Variants in TMEM131 observed in about 807,000 individuals in gnomAD.
TMEM131 encodes 2610524E03Rik.
Under a neutral mutation model 211.6 loss-of-function variants are expected in TMEM131, and 66 were observed. The ratio of observed to expected loss-of-function variants is 0.31; its 90% confidence interval spans 0.26 to 0.38. The LOEUF (loss-of-function observed/expected upper bound fraction) is 0.38. Ranked by LOEUF, TMEM131 falls within the 10% of genes least tolerant of loss-of-function variation. The probability of loss-of-function intolerance (pLI) is 1.00; values close to 1 mark genes in which losing one functional copy is unlikely to be tolerated. For synonymous variants in TMEM131, 844 were observed against 841.3 expected (o/e 1.00, Z -0.06); for missense variants, 2,036 against 2,299.3 (o/e 0.89, Z 2.34).
intron 1 of TMEM131, among the ~76,000 whole-genome samples, chr2:97,987,523 CAAAA>C (rs148508324): frequency 6.6e-6 from 1 of 151,544 alleles, no homozygotes; most frequent in African/African-American, 2.4e-5. Context: ...AAAACAAAAA[CAAAA>C]AAAAGTCACA....
At chr2:97,851,553 C>T (rs1673628606) in intron 5 of TMEM131, among the ~76,000 whole-genome samples, 1 of 152,216 alleles carries the variant, frequency 6.6e-6, no homozygotes, top group Non-Finnish European at 1.5e-5. Context: ...ACGCATCAAG[C>T]AAGTCTATCA....
In TMEM131 at chr2:97,791,388, C is replaced by G. The variant is rs376208940; in HGVS notation, c.4144+998G>C. Reference sequence around the variant, plus strand: ...ATTAGATAGTAAGAAACAGTGACTTCCGTCCTGCTTCCTCCTTGCCCTCTT... The same window carrying G: ...ATTAGATAGTAAGAAACAGTGACTTGCGTCCTGCTTCCTCCTTGCCCTCTT... On this transcript the variant is annotated intron_variant, in intron 31 of 40. Coordinates refer to ENST00000186436, the MANE Select transcript of TMEM131 (RefSeq NM_015348.2). 1.6e-4 allele frequency among the ~76,000 whole-genome samples: 25 copies of G among 152,332 alleles called. No homozygotes were observed. The South Asian group carries it at 3.9e-3, about 24-fold the overall frequency.
In TMEM131 at chr2:97,942,976, GAAAGAAAGA is replaced by G. The variant is rs375150069; in HGVS notation, c.188-15498_188-15490del. On this transcript the variant is annotated intron_variant, in intron 1 of 40. Transcript: ENST00000186436. The stretch of plus-strand genomic sequence containing the variant: ...ATGGCTACAAAAAAAAAGAAAGAAA[GAAAGAAAGA>G]AAAGAAAGAAAAGAAAGAAAAGAAA... Among the ~76,000 whole-genome samples, 73 of 99,292 alleles carry G rather than the reference GAAAGAAAGA, an allele frequency of 7.4e-4. 5 individuals are homozygous for G. In the East Asian group the frequency reaches 0.017, roughly 23 times the overall value. 65.1% of individuals were successfully genotyped at this position (99,292 alleles called of 152,430 possible).
At position 97,833,381 on chromosome 2, in the gene TMEM131, T is replaced by G. The variant is rs758842062; in HGVS notation, c.1058A>C (p.Lys353Thr). The G allele has an allele frequency of 1.5e-6, 2 of 1,314,900 alleles. No individual in the cohort carries two copies. The highest frequency in any genetic ancestry group is 3.0e-5 in the African/African-American group (2 of 67,204). The allele number at this position is 1,314,900 out of a possible 1,614,324, so 81.5% of individuals were successfully genotyped here. A position where few individuals can be genotyped will look rare whatever the true frequency, so the allele number is the denominator to read the frequency against. Residue 353 changes from lysine (K) to threonine (T), a missense_variant, in exon 11 of 41, where the codon AAA becomes ACA. By Grantham distance (78) the Lys-to-Thr change is moderately conservative. Transcript: ENST00000186436. Reference protein sequence around the residue: ...LNLHLLNSGTKDVPITSVRPT... With the variant: ...LNLHLLNSGTTDVPITSVRPT... ...AAAACTTACTGTTATTGGTACATCT[T>G]TTGTTCCTGAATTTAATAAATGAAG...
intron 38 of TMEM131, 91 bp downstream of exon 38, chr2:97,760,502 A>C (rs1479019909): frequency 5.8e-6 from 7 of 1,197,396 alleles, no homozygotes; most frequent in Non-Finnish European, 7.1e-6. Flanking sequence ...TTAGGGGAAA[A>C]ATGCCCTGAA....
chr2:97,886,290 G>A (rs186112623), intron 4 of TMEM131, among the ~76,000 whole-genome samples: 3 of 152,212 alleles, frequency 2.0e-5, no homozygotes, highest in African/African-American at 7.2e-5. Context: ...TGTTACTGAA[G>A]AATTATTGTT....
At chr2:97,987,339 C>T (rs1369427705) in intron 1 of TMEM131, among the ~76,000 whole-genome samples, 1 of 152,068 alleles carries the variant, frequency 6.6e-6, no homozygotes, top group Non-Finnish European at 1.5e-5. Context: ...ACCTCATCTA[C>T]TAAAAATACA....
chr2:97,880,829 T>C (rs541192482), intron 4 of TMEM131, among the ~76,000 whole-genome samples: 1 of 152,280 alleles, frequency 6.6e-6, no homozygotes, highest in Admixed American at 6.5e-5. Context: ...AACCACAATT[T>C]GGGGATACAC....
At chr2:97,867,654 A>C (rs1305643545) in intron 4 of TMEM131, among the ~76,000 whole-genome samples, 3 of 152,222 alleles carry the variant, frequency 2.0e-5, no homozygotes, top group East Asian at 3.9e-4. Flanking sequence ...TCTGGGATAC[A>C]GCATCTGTCC....
intron 19 of TMEM131, among the ~76,000 whole-genome samples, chr2:97,806,583 G>C (rs1233409221): frequency 6.6e-6 from 1 of 152,018 alleles, no homozygotes; most frequent in African/African-American, 2.4e-5. Context: ...AAATAAAACT[G>C]TTAAATAACC....
intron 1 of TMEM131, among the ~76,000 whole-genome samples, chr2:97,945,245 G>A (rs534954201): frequency 6.6e-6 from 1 of 152,232 alleles, no homozygotes; most frequent in Admixed American, 6.5e-5. Flanking sequence ...TCCATTTATA[G>A]GAAACGTCCA....
intron 12 of TMEM131, 119 bp from the exon 13 acceptor site, chr2:97,815,426 C>A (rs966652415): frequency 3.6e-6 from 2 of 552,732 alleles, no homozygotes; most frequent in Non-Finnish European, 6.2e-6. Flanking sequence ...AATTGGCCAA[C>A]AGAACACTTT....
At chr2:97,921,036 G>A (rs1474948386) in intron 2 of TMEM131, among the ~76,000 whole-genome samples, 3 of 150,778 alleles carry the variant, frequency 2.0e-5, no homozygotes, top group African/African-American at 7.3e-5. Flanking sequence ...CATATGGAAG[G>A]CAAAGAACTG....
rs570242325 is a variant in TMEM131, at chr2:97,967,092, T to C, written c.187+28384A>G. Among the ~76,000 whole-genome samples, 62 of 152,280 alleles carry C rather than the reference T, an allele frequency of 4.1e-4. 1 individual carries two copies. In the South Asian group the frequency reaches 5.6e-3, roughly 14 times the overall value. ...GGGGCGGTGAGTCAGATGGAACTTA[T>C]GGAGTATTGTTTTGACTCACCATAA... On this transcript the variant is annotated intron_variant, in intron 1 of 40. Transcript: ENST00000186436.
rs761302061 is a variant in TMEM131, at chr2:97,758,924, G to A, written c.5336C>T (p.Ala1779Val). ...TGTGTGGGTCGGGGAGCCGGAACTG[G>A]CTGGCCAGGAAGGACTGGGATCTGT... ...PATDPSPSWP[A>V]SSGSPTHTAT... The change falls in exon 40 of 41, where the codon GCC becomes GTC. Residue 1779 changes from alanine (A) to valine (V), a missense_variant. By Grantham distance (64) the Ala-to-Val change is moderately conservative. Coordinates refer to ENST00000186436, the MANE Select transcript of TMEM131 (RefSeq NM_015348.2). 1.9e-6 allele frequency: 3 copies of A among 1,613,516 alleles called. No homozygotes were observed. The highest frequency in any genetic ancestry group is 2.5e-6 in the Non-Finnish European group (3 of 1,179,710).
chr2:97,995,507 G>C lies in TMEM131; in HGVS notation c.156C>G (p.Leu52=). The C allele has an allele frequency of 7.1e-7, 1 of 1,414,144 alleles. No homozygotes were observed. Among genetic ancestry groups the C allele is most frequent in the Non-Finnish European group, 9.3e-7 (1 of 1,078,244 alleles). 87.6% of individuals were successfully genotyped at this position (1,414,144 alleles called of 1,614,324 possible). A position where few individuals can be genotyped will look rare whatever the true frequency, so the allele number is the denominator to read the frequency against. ...LLGALHLVMT[L]VVAAARAEKE... ...TCTCGGCCCGCGCCGCAGCCACTACGAGGGTCATCACCAGGTGCAGCGCGC... is the reference window on the plus strand; with the variant it reads ...TCTCGGCCCGCGCCGCAGCCACTACCAGGGTCATCACCAGGTGCAGCGCGC... Residue 52 remains leucine, a synonymous_variant, in exon 1 of 41, where the codon CTC becomes CTG. Transcript: ENST00000186436.
chr2:97,928,605 A>C (rs1426341467), intron 1 of TMEM131, among the ~76,000 whole-genome samples: 1 of 151,878 alleles, frequency 6.6e-6, no homozygotes, highest in Non-Finnish European at 1.5e-5. Flanking sequence ...GTGCTCACCT[A>C]AGTAATTCTG....
chr2:97,897,357 C>G (rs1327546578), intron 3 of TMEM131, among the ~76,000 whole-genome samples: 2 of 152,042 alleles, frequency 1.3e-5, no homozygotes, highest in Non-Finnish European at 2.9e-5. Context: ...CTTTCCCAAT[C>G]TTAGAAAGAA....
At chr2:97,844,462 C>T (rs1683334100) in intron 5 of TMEM131, among the ~76,000 whole-genome samples, 1 of 152,180 alleles carries the variant, frequency 6.6e-6, no homozygotes, top group South Asian at 2.1e-4. Flanking sequence ...AATTACCAGC[C>T]ACAGCCTTGT....
Sources: gnomAD v4.1 joint callset for allele counts (sites outside exome capture counted in the v4.1 genomes callset) on GRCh38, gnomAD v4.1.1 for gene constraint, MANE v1.5 for transcripts, NCBI Gene and HGNC (gene_info 2026-07-23, HGNC 2026-07-21) for gene names.